The following SHROOM3 variants were observed in gnomAD, a reference collection of about 807,000 sequenced individuals.
SHROOM3 encodes shroom family member 3, also known as protein Shroom3.
Under a neutral mutation model 138.6 loss-of-function variants are expected in SHROOM3, and 47 were observed. The observed-to-expected ratio is 0.34, with a 90% CI of 0.27 to 0.43. SHROOM3 has a LOEUF of 0.43. Ranked by LOEUF, SHROOM3 falls within the 20% of genes least tolerant of loss-of-function variation. The pLI, the probability that SHROOM3 is intolerant of heterozygous loss-of-function variation, is 1.00. For missense variants in SHROOM3, 2,491 were observed against 2,596.5 expected, an observed-to-expected ratio of 0.96 and a Z score of 0.88; for synonymous variants, 1,062 against 1,063.3, an observed-to-expected ratio of 1.00 and a Z score of 0.02.
At chr4:76,556,357 TA>T (rs748936152) in intron 2 of SHROOM3, among the ~76,000 whole-genome samples, 7 of 152,210 alleles carry the variant, frequency 4.6e-5, no homozygotes, top group Non-Finnish European at 1.0e-4. Flanking sequence ...GGAATTGAAT[TA>T]TTTTTTTGAT....
intron 2 of SHROOM3, among the ~76,000 whole-genome samples, chr4:76,565,463 G>A (rs979411022): frequency 5.3e-5 from 8 of 152,080 alleles, no homozygotes; most frequent in Non-Finnish European, 1.0e-4. Context: ...ACTAATTCCT[G>A]GCTCCTACCT....
chr4:76,448,083 A>G (rs185792421), intron 1 of SHROOM3, among the ~76,000 whole-genome samples: 187 of 152,226 alleles, frequency 1.2e-3, no homozygotes, highest in Non-Finnish European at 2.0e-3. Context: ...TTTATAGAGC[A>G]TTATTTATAT....
chr4:76,701,532 A>G (rs1262505856), intron 2 of SHROOM3, among the ~76,000 whole-genome samples: 1 of 152,238 alleles, frequency 6.6e-6, no homozygotes, highest in Non-Finnish European at 1.5e-5. Flanking sequence ...TGAGGGCCAA[A>G]TGAAATAATG....
intron 1 of SHROOM3, among the ~76,000 whole-genome samples, chr4:76,480,601 C>T (rs1194579999): frequency 6.6e-6 from 1 of 152,156 alleles, no homozygotes; most frequent in Non-Finnish European, 1.5e-5. Flanking sequence ...CAAGGATATT[C>T]AGGACTTGAA....
rs145701715 is a variant in SHROOM3 at position 76,703,854 on chromosome 4, G to T, written c.324-6302G>T. ...AGGACAAACTTAGCCCTGTATAAAT[G>T]CATCCTGTCTACTTAATCACAAAAA... On this transcript the variant is annotated intron_variant, in intron 2 of 10. Transcript: ENST00000296043. Among the ~76,000 whole-genome samples the T allele has an allele frequency of 3.8e-3, 586 of 152,280 alleles. 1 individual carries two copies. The highest frequency in any genetic ancestry group is 0.014 in the Middle Eastern group (4 of 294).
chr4:76,468,193 G>A (rs961269102), intron 1 of SHROOM3, among the ~76,000 whole-genome samples: 13 of 152,128 alleles, frequency 8.5e-5, no homozygotes, highest in Admixed American at 3.3e-4. Context: ...CAAGAGTGAC[G>A]GAAGAGGAAA....
At chr4:76,768,397 C>CT in intron 9 of SHROOM3, among the ~76,000 whole-genome samples, 1 of 152,070 alleles carries the variant, frequency 6.6e-6, no homozygotes, top group Non-Finnish European at 1.5e-5. Flanking sequence ...GCCAGAATTG[C>CT]TTTTTTGGAA....
intron 9 of SHROOM3, among the ~76,000 whole-genome samples, chr4:76,769,052 T>C (rs1283457278): frequency 6.6e-6 from 1 of 152,200 alleles, no homozygotes; most frequent in Non-Finnish European, 1.5e-5. Flanking sequence ...ACTGAAATAG[T>C]ACAAAAAGTT....
In SHROOM3 at chr4:76,638,503, C is replaced by A. The variant is rs78492610; in HGVS notation, c.324-71653C>A. On this transcript the variant is annotated intron_variant, in intron 2 of 10. Transcript: ENST00000296043. ...GTTCAAGGCTGTAGTAAGCTATGAT[C>A]ACACTGCTGCATTATGCCTGAGTGA... 9.3e-3 allele frequency among the ~76,000 whole-genome samples: 1,408 copies of A among 152,212 alleles called. 15 individuals are homozygous for A. The highest frequency in any genetic ancestry group is 0.032 in the African/African-American group (1,344 of 41,532).
At chr4:76,716,655 A>G (rs1225876720) in intron 3 of SHROOM3, among the ~76,000 whole-genome samples, 1 of 152,260 alleles carries the variant, frequency 6.6e-6, no homozygotes, top group Admixed American at 6.5e-5. Context: ...TCTCCTATGT[A>G]TAAATACAGT....
intron 2 of SHROOM3, among the ~76,000 whole-genome samples, chr4:76,685,596 T>C (rs767563615): frequency 1.1e-4 from 17 of 152,224 alleles, no homozygotes; most frequent in Non-Finnish European, 1.6e-4. Flanking sequence ...GTTTTTCACA[T>C]CAAAGCTTTA....
In SHROOM3 at chr4:76,765,226, C is replaced by T. The variant is rs188868429; in HGVS notation, c.5350-5400C>T. 1.2e-3 allele frequency among the ~76,000 whole-genome samples: 186 copies of T among 151,212 alleles called. 1 individual carries two copies. Among genetic ancestry groups the T allele is most frequent in the East Asian group, 2.1e-3 (11 of 5,138 alleles). On this transcript the variant is annotated intron_variant, in intron 9 of 10. Coordinates refer to ENST00000296043, the MANE Select transcript of SHROOM3 (RefSeq NM_020859.4). The stretch of plus-strand genomic sequence containing the variant: ...TCTTTTTAAAGTTGTTTTAAAGACT[C>T]TTGTAGATTCTGGGCACAGTGGCTC...
intron 1 of SHROOM3, among the ~76,000 whole-genome samples, chr4:76,486,911 T>TA (rs1326898664): frequency 2.1e-4 from 25 of 120,098 alleles, no homozygotes; most frequent in African/African-American, 6.2e-4. Context: ...AAAGGCAACT[T>TA]TAAAAAAAAA....
At chr4:76,685,149 T>A (rs1719301625) in intron 2 of SHROOM3, among the ~76,000 whole-genome samples, 1 of 152,236 alleles carries the variant, frequency 6.6e-6, no homozygotes, top group South Asian at 2.1e-4. Flanking sequence ...TTCAAGTGTG[T>A]TCTTTCTTTG....
chr4:76,567,299 C>G (rs1049976846), intron 2 of SHROOM3, among the ~76,000 whole-genome samples: 1 of 152,082 alleles, frequency 6.6e-6, no homozygotes, highest in Non-Finnish European at 1.5e-5. Context: ...CTTTGGGAGA[C>G]CGAGGTGGGT....
intron 4 of SHROOM3, among the ~76,000 whole-genome samples, chr4:76,735,868 AATATATATATATATATATAT>A (rs758812304): frequency 2.0e-3 from 38 of 18,808 alleles, no homozygotes; most frequent in African/African-American, 6.4e-3. Context: ...AAAAAAAAAA[AATATATATATATATATATAT>A]ATATATATAT....
intron 1 of SHROOM3, among the ~76,000 whole-genome samples, chr4:76,517,163 G>C (rs1732460330): frequency 2.0e-5 from 3 of 152,166 alleles, no homozygotes; most frequent in South Asian, 2.1e-4. Flanking sequence ...AAAGAACTTT[G>C]CTTTGAGCTT....
In SHROOM3 at chr4:76,446,476, C is replaced by T. The variant is rs12508523; in HGVS notation, c.168+10256C>T. Reference sequence around the variant, plus strand: ...ACTGGGAGTTCAACTGGGCTCTCTGCATCTTCCCAGGTGCTGCTTCCTGCT... The same window carrying T: ...ACTGGGAGTTCAACTGGGCTCTCTGTATCTTCCCAGGTGCTGCTTCCTGCT... On this transcript the variant is annotated intron_variant, in intron 1 of 10. Transcript: ENST00000296043. Among the ~76,000 whole-genome samples, 30 of 152,254 alleles carry T rather than the reference C, an allele frequency of 2.0e-4. 1 individual carries two copies. In the South Asian group the frequency reaches 2.7e-3, roughly 14 times the overall value.
chr4:76,573,526 TG>T (rs1456059312), intron 2 of SHROOM3: 5 of 154,328 alleles, frequency 3.2e-5, no homozygotes, highest in Non-Finnish European at 7.3e-5. Context: ...CTTGCTCAGA[TG>T]TCATCTTTTT....
Sources: allele counts gnomAD v4.1 joint callset (sites outside exome capture counted in the v4.1 genomes callset), GRCh38; gene constraint gnomAD v4.1.1; transcripts MANE v1.5; gene names NCBI Gene and HGNC (gene_info 2026-07-23, HGNC 2026-07-21).